CASS4: variants seen among roughly 807,000 people sequenced by gnomAD.
CASS4 encodes the protein Cas scaffold protein family member 4, also known as cas scaffolding protein family member 4.
CASS4 carries 22 observed loss-of-function variants against 54.2 expected under a neutral mutation model. The observed-to-expected ratio is 0.41, with a 90% CI of 0.29 to 0.58. The LOEUF is 0.58. Ranked by LOEUF, CASS4 falls within the 20% of genes least tolerant of loss-of-function variation. The probability of loss-of-function intolerance (pLI) is 0.36; values close to 1 mark genes in which losing one functional copy is unlikely to be tolerated. For missense variants in CASS4, 854 were observed against 986.7 expected, an observed-to-expected ratio of 0.87 and a Z score of 1.80; for synonymous variants, 409 against 391.5, an observed-to-expected ratio of 1.04 and a Z score of -0.53.
At chr20:56,454,687 A>G (rs1981203212) in intron 5 of CASS4, among the ~76,000 whole-genome samples, 1 of 152,226 alleles carries the variant, frequency 6.6e-6, no homozygotes, top group African/African-American at 2.4e-5. Flanking sequence ...AGAGAAAGAT[A>G]AACCTATCTT....
At chr20:56,456,149 G>A (rs1466660671) in intron 5 of CASS4, among the ~76,000 whole-genome samples, 1 of 151,948 alleles carries the variant, frequency 6.6e-6, no homozygotes, top group Non-Finnish European at 1.5e-5. Context: ...TGGCCACCGG[G>A]TGGACAGTTC....
upstream of CASS4, chr20:56,412,083 T>C (rs920572858): frequency 6.5e-6 from 2 of 307,658 alleles, no homozygotes; most frequent in Admixed American, 5.1e-5. The surrounding 1 kb of genome is among the most constrained non-coding windows in gnomAD (Gnocchi z 4.2). Context: ...ACTGAGCTCT[T>C]CGAAGTAGGA....
intron 5 of CASS4, among the ~76,000 whole-genome samples, chr20:56,454,792 A>G (rs1379544897): frequency 6.6e-6 from 1 of 152,204 alleles, no homozygotes; most frequent in Non-Finnish European, 1.5e-5. Context: ...CTATTGCTAG[A>G]TTCGTCTCAT....
chr20:56,436,925 A>G (rs1396267205), intron 1 of CASS4, among the ~76,000 whole-genome samples: 2 of 152,076 alleles, frequency 1.3e-5, no homozygotes, highest in Non-Finnish European at 2.9e-5. Context: ...GCATATTAGG[A>G]CCATCCGACC....
At position 56,430,829 on chromosome 20, in the gene CASS4, G is replaced by A. The variant is rs568972156; in HGVS notation, c.37-6335G>A. On this transcript the variant is annotated intron_variant, in intron 1 of 5. Transcript: ENST00000679887. This position sits in a 1 kb window ranked among gnomAD's most constrained non-coding sequence, Gnocchi z 4.2. ...GGGCAGAAGGAACAGCAAAGAAAAG[G>A]TCTGAGGTGGAAGCAACCTCAGGGC... Among the ~76,000 whole-genome samples the A allele has an allele frequency of 1.3e-5, 2 of 152,290 alleles. No homozygotes were observed. Among genetic ancestry groups the A allele is most frequent in the Admixed American group, 6.5e-5 (1 of 15,288 alleles).
intron 3 of CASS4, among the ~76,000 whole-genome samples, chr20:56,448,157 A>T (rs1020372165): frequency 1.4e-5 from 2 of 144,654 alleles, no homozygotes; most frequent in Non-Finnish European, 3.0e-5. Context: ...AAAAAAAAAA[A>T]ATAGTTATCA....
chr20:56,458,846 C>A lies in CASS4; in HGVS notation c.*99C>A. On this transcript the variant is annotated 3_prime_UTR_variant, in exon 6 of 6. Transcript: ENST00000679887. ...GGGAAAAGCCAGCCGGGGCATACAC[C>A]AATGAGCTGAAACAGACCTGGTGCC... is the stretch of plus-strand genomic sequence containing the variant. 1 of 1,246,554 alleles carries A rather than the reference C, an allele frequency of 8.0e-7. No homozygotes were observed. Among genetic ancestry groups the A allele is most frequent in the Non-Finnish European group, 1.1e-6 (1 of 911,626 alleles). 77.2% of individuals were successfully genotyped at this position (1,246,554 alleles called of 1,614,324 possible).
intron 3 of CASS4, among the ~76,000 whole-genome samples, chr20:56,450,088 A>G (rs372033906): frequency 6.6e-6 from 1 of 151,722 alleles, no homozygotes; most frequent in African/African-American, 2.4e-5. Context: ...CTGGAGCACA[A>G]TGGTGCGATC....
rs772143299 is a variant in CASS4 at position 56,458,675 on chromosome 20, G to T, written c.2289G>T (p.Ala763=). 6.2e-6 allele frequency: 10 copies of T among 1,612,766 alleles called. No homozygotes were observed. The highest frequency in any genetic ancestry group is 1.7e-5 in the Admixed American group (1 of 59,918). The change falls in exon 6 of 6, where the codon GCG becomes GCT. Residue 763 remains alanine (A), a synonymous_variant. Coordinates refer to ENST00000679887, the MANE Select transcript of CASS4 (RefSeq NM_020356.4). ...NAVLTYPSPA[A]LGHLQAEAEK... The stretch of plus-strand genomic sequence containing the variant: ...TGCTCACGTACCCCAGCCCTGCCGC[G>T]CTGGGGCACCTCCAGGCGGAGGCTG...
chr20:56,445,780 G>A (rs1980677473), intron 2 of CASS4, 120 bp from the exon 3 acceptor site: 3 of 699,442 alleles, frequency 4.3e-6, no homozygotes, highest in Non-Finnish European at 7.1e-6. Flanking sequence ...GGGGGTGCCG[G>A]GCGACCCCTT....
intron 1 of CASS4, among the ~76,000 whole-genome samples, chr20:56,428,575 C>T (rs79197736): frequency 0.02 from 3,078 of 152,316 alleles, 101 homozygotes; most frequent in African/African-American, 0.07. Context: ...CTCCACCACA[C>T]CCAAATGTCT....
intron 1 of CASS4, among the ~76,000 whole-genome samples, chr20:56,427,030 G>A (rs572500435): frequency 6.6e-6 from 1 of 152,142 alleles, no homozygotes; most frequent in Non-Finnish European, 1.5e-5. Context: ...GCATGGTGAT[G>A]TGTGCCTGTA....
intron 1 of CASS4, among the ~76,000 whole-genome samples, chr20:56,421,493 T>C (rs1196121102): frequency 1.1e-4 from 16 of 152,124 alleles, no homozygotes; most frequent in Admixed American, 1.0e-3. Context: ...GCCCAGCTGT[T>C]GGAGACCAGC....
chr20:56,435,650 C>G (rs1980116701), intron 1 of CASS4, among the ~76,000 whole-genome samples: 1 of 152,206 alleles, frequency 6.6e-6, no homozygotes, highest in South Asian at 2.1e-4. Flanking sequence ...ACTGAAAGAG[C>G]ATGGGTTGGA....
At chr20:56,421,201 C>G (rs1448535873) in intron 1 of CASS4, among the ~76,000 whole-genome samples, 1 of 152,198 alleles carries the variant, frequency 6.6e-6, no homozygotes, top group African/African-American at 2.4e-5. Flanking sequence ...GTGCACAGAA[C>G]AGTTTTTGTA....
Position 56,423,706 on chromosome 20 carries a change from G to A in CASS4, c.36+11212G>A, listed in dbSNP as rs145978651. Reference sequence around the variant, plus strand: ...ACTACAGGCATGCACCACCATGCCCGGCTAATTTTTGTATTTTTAGTAGAG... The same window carrying A: ...ACTACAGGCATGCACCACCATGCCCAGCTAATTTTTGTATTTTTAGTAGAG... On this transcript the variant is annotated intron_variant, in intron 1 of 5. Coordinates refer to ENST00000679887, the MANE Select transcript of CASS4 (RefSeq NM_020356.4). 3.6e-3 allele frequency among the ~76,000 whole-genome samples: 544 copies of A among 152,024 alleles called. 1 individual carries two copies. The highest frequency in any genetic ancestry group is 0.012 in the African/African-American group (506 of 41,446).
intron 3 of CASS4, 149 bp from the exon 4 acceptor site, chr20:56,450,450 C>A: frequency 1.4e-6 from 1 of 699,850 alleles, no homozygotes; most frequent in Non-Finnish European, 2.5e-6. Context: ...CAGATTTCTA[C>A]CATTACAGCA....
At chr20:56,420,132 T>G (rs541975098) in intron 1 of CASS4, among the ~76,000 whole-genome samples, 1 of 152,322 alleles carries the variant, frequency 6.6e-6, no homozygotes, top group South Asian at 2.1e-4. Context: ...GCCACCTACC[T>G]GGCCACTCAG....
At chr20:56,441,483 T>A (rs1352200090) in intron 2 of CASS4, among the ~76,000 whole-genome samples, 1 of 151,938 alleles carries the variant, frequency 6.6e-6, no homozygotes, top group Non-Finnish European at 1.5e-5. Context: ...TATGCATCTG[T>A]AGTCCCAACT....
Sources: gnomAD v4.1 joint callset for allele counts (sites outside exome capture counted in the v4.1 genomes callset) on GRCh38, gnomAD v4.1.1 for gene constraint, Gnocchi (gnomAD v3.1) non-coding constraint, MANE v1.5 for transcripts, NCBI Gene and HGNC (gene_info 2026-07-23, HGNC 2026-07-21) for gene names.